The following PARD6G variants were observed in gnomAD, a reference collection of about 807,000 sequenced individuals.
The protein encoded by PARD6G is par-6 family cell polarity regulator gamma.
In PARD6G, 7 loss-of-function variants were observed where a neutral mutation model predicts 10.7. That is an observed-to-expected ratio of 0.66 (90% CI 0.37 to 1.23). The LOEUF is 1.23. PARD6G is among the 50% of genes most tolerant of loss of function. The pLI is 0.02. For missense variants in PARD6G, 548 were observed against 571.8 expected (o/e 0.96, Z 0.42); for synonymous variants, 287 against 269.4 (o/e 1.07, Z -0.64).
intron 1 of PARD6G, among the ~76,000 whole-genome samples, chr18:80,212,741 C>T (rs559277965): frequency 1.6e-4 from 25 of 152,060 alleles, no homozygotes; most frequent in Admixed American, 1.0e-3. Flanking sequence ...AAAAATTGGC[C>T]GGGTATGGTG....
intron 1 of PARD6G, among the ~76,000 whole-genome samples, chr18:80,229,288 T>C (rs1029443242): frequency 1.3e-5 from 2 of 152,198 alleles, no homozygotes; most frequent in African/African-American, 2.4e-5. Flanking sequence ...CTTTACAATA[T>C]AGTAAATTTA....
chr18:80,197,995 T>C (rs1034497127), intron 2 of PARD6G, among the ~76,000 whole-genome samples: 29 of 152,360 alleles, frequency 1.9e-4, no homozygotes, highest in Middle Eastern at 3.4e-3. Flanking sequence ...AGCTGTCATG[T>C]GTCCAAGGGA....
In PARD6G at chr18:80,247,058, C is replaced by G. The variant is rs1222928918; in HGVS notation, c.72+219G>C. ...GGACTGTCCGATGGCCCTCGGCCCT[C>G]TGAGCGCCGCGGCTGCCGGGCTTTG... On this transcript the variant is annotated intron_variant, in intron 1 of 2. Transcript: ENST00000353265. The surrounding 1 kb of genome is among the most constrained non-coding windows in gnomAD (Gnocchi z 4.2). Among the ~76,000 whole-genome samples the G allele has an allele frequency of 2.0e-5, 3 of 152,164 alleles. No homozygotes were observed. The highest frequency in any genetic ancestry group is 4.8e-5 in the African/African-American group (2 of 41,462).
At chr18:80,206,790 A>G (rs914725384) in intron 1 of PARD6G, among the ~76,000 whole-genome samples, 9 of 152,086 alleles carry the variant, frequency 5.9e-5, no homozygotes, top group Non-Finnish European at 8.8e-5. Context: ...AGATTCTTCA[A>G]ATGTTTATTT....
chr18:80,187,002 G>A (rs2052883367), intron 2 of PARD6G, among the ~76,000 whole-genome samples: 1 of 152,106 alleles, frequency 6.6e-6, no homozygotes, highest in Non-Finnish European at 1.5e-5. Context: ...AGGAGGCTGA[G>A]GCAGGAGAAT....
rs949614551 is a variant in PARD6G, at chr18:80,166,496, G to A, written c.296-5890C>T. On this transcript the variant is annotated intron_variant, in intron 2 of 2. Transcript: ENST00000353265. The stretch of plus-strand genomic sequence containing the variant: ...TCCACCTCCCTTAGAATTTAAAGGC[G>A]TCAAGTTCATTGAAAGCGATCAGTT... Among the ~76,000 whole-genome samples, 9 of 150,254 alleles carry A rather than the reference G, an allele frequency of 6.0e-5. No individual in the cohort carries two copies. In the South Asian group the frequency reaches 1.1e-3, roughly 18 times the overall value.
At chr18:80,171,121 A>C (rs567894887) in intron 2 of PARD6G, 1 of 152,344 alleles carries the variant, frequency 6.6e-6, no homozygotes, top group South Asian at 2.1e-4. Flanking sequence ...AGTAATAATT[A>C]AAAAAATCCC....
intron 2 of PARD6G, among the ~76,000 whole-genome samples, chr18:80,187,393 G>A (rs2052885623): frequency 6.6e-6 from 1 of 152,162 alleles, no homozygotes. Flanking sequence ...GGCTACACAC[G>A]AGGCGTGTGT....
intron 2 of PARD6G, among the ~76,000 whole-genome samples, chr18:80,168,536 C>G (rs1308451698): frequency 2.0e-5 from 3 of 151,192 alleles, no homozygotes; most frequent in Admixed American, 2.0e-4. Context: ...GTCTAACCAC[C>G]CTCTCTCCCC....
chr18:80,191,122 T>G (rs1966893127), intron 2 of PARD6G, among the ~76,000 whole-genome samples: 1 of 152,222 alleles, frequency 6.6e-6, no homozygotes, highest in Non-Finnish European at 1.5e-5. Flanking sequence ...GCAGAAGTTA[T>G]TTTAATTTCA....
chr18:80,213,057 T>A (rs757803148), intron 1 of PARD6G, among the ~76,000 whole-genome samples: 25 of 152,166 alleles, frequency 1.6e-4, no homozygotes, highest in African/African-American at 6.0e-4. Flanking sequence ...AATCAGCCCA[T>A]AGTAAATTGG....
rs903503269 is a variant in PARD6G, at chr18:80,180,341, G to A, written c.296-19735C>T. 1.3e-5 allele frequency among the ~76,000 whole-genome samples: 2 copies of A among 152,196 alleles called. No individual in the cohort carries two copies. The highest frequency in any genetic ancestry group is 4.8e-5 in the African/African-American group (2 of 41,446). ...GGGCAGCGACAGCTGGGGCCGGCAGGTGAGGACACGCAGCTGGGAGGGGCG... is the reference window on the plus strand; with the variant it reads ...GGGCAGCGACAGCTGGGGCCGGCAGATGAGGACACGCAGCTGGGAGGGGCG... On this transcript the variant is annotated intron_variant, in intron 2 of 2. Coordinates refer to ENST00000353265, the MANE Select transcript of PARD6G (RefSeq NM_032510.4). This position sits in a 1 kb window ranked among gnomAD's most constrained non-coding sequence, Gnocchi z 5.6.
chr18:80,172,189 T>C (rs2052781695), intron 2 of PARD6G, among the ~76,000 whole-genome samples: 1 of 152,206 alleles, frequency 6.6e-6, no homozygotes, highest in South Asian at 2.1e-4. Context: ...TTCTTGACAA[T>C]ACTTGTTTCT....
rs1359195280 is a variant in PARD6G at position 80,246,136 on chromosome 18, G to T, written c.72+1141C>A. On this transcript the variant is annotated intron_variant, in intron 1 of 2. Transcript: ENST00000353265. This position sits in a 1 kb window ranked among gnomAD's most constrained non-coding sequence, Gnocchi z 6.7. ...GCCCTGCGCCCAAGATAGGCACACA[G>T]TTAGGGGTGCGGGCTCCCACTCCGC... Among the ~76,000 whole-genome samples, 1 of 152,230 alleles carries T rather than the reference G, an allele frequency of 6.6e-6. No homozygotes were observed. Among genetic ancestry groups the T allele is most frequent in the East Asian group, 1.9e-4 (1 of 5,170 alleles).
At position 80,183,828 on chromosome 18, in the gene PARD6G, C is replaced by T. The variant is rs182154306; in HGVS notation, c.295+18882G>A. 1 of 152,262 alleles carries T rather than the reference C, an allele frequency of 6.6e-6. No homozygotes were observed. Among genetic ancestry groups the T allele is most frequent in the East Asian group, 1.9e-4 (1 of 5,182 alleles). The allele number at this position is 152,262 out of a possible 1,614,324, so 9.4% of individuals were successfully genotyped here. On this transcript the variant is annotated intron_variant, in intron 2 of 2. Transcript: ENST00000353265. The surrounding 1 kb of genome is among the most constrained non-coding windows in gnomAD (Gnocchi z 4.5). ...AGCTGTGGTATGAAGTTTAAATGCCCCAAGTCAGAAGTCAATTGGATGTCT... is the reference window on the plus strand; with the variant it reads ...AGCTGTGGTATGAAGTTTAAATGCCTCAAGTCAGAAGTCAATTGGATGTCT...
At chr18:80,195,971 T>G (rs1966953123) in intron 2 of PARD6G, among the ~76,000 whole-genome samples, 1 of 151,786 alleles carries the variant, frequency 6.6e-6, no homozygotes, top group Non-Finnish European at 1.5e-5. Flanking sequence ...CCTGGCAATA[T>G]ATATATTTTA....
At position 80,175,502 on chromosome 18, in the gene PARD6G, A is replaced by T. The variant is rs1299574133; in HGVS notation, c.296-14896T>A. ...ATTAGGTCAGGGCTTCGTCCTTACGATCTTATTTAACCTTCATCACCCCCT... is the reference window on the plus strand; with the variant it reads ...ATTAGGTCAGGGCTTCGTCCTTACGTTCTTATTTAACCTTCATCACCCCCT... On this transcript the variant is annotated intron_variant, in intron 2 of 2. Transcript: ENST00000353265. This position sits in a 1 kb window ranked among gnomAD's most constrained non-coding sequence, Gnocchi z 6.7. 6.6e-6 allele frequency among the ~76,000 whole-genome samples: 1 copy of T among 152,080 alleles called. No homozygotes were observed. The highest frequency in any genetic ancestry group is 1.5e-5 in the Non-Finnish European group (1 of 68,018).
At position 80,228,967 on chromosome 18, in the gene PARD6G, C is replaced by T. The variant is rs895531306; in HGVS notation, c.72+18310G>A. On this transcript the variant is annotated intron_variant, in intron 1 of 2. Coordinates refer to ENST00000353265, the MANE Select transcript of PARD6G (RefSeq NM_032510.4). This position sits in a 1 kb window ranked among gnomAD's most constrained non-coding sequence, Gnocchi z 4.6. Reference sequence around the variant, plus strand: ...CTTATTTTATTTTAGAAGACGGAGTCTCACTCTGTCGCCCAGGCTGGAGTG... The same window carrying T: ...CTTATTTTATTTTAGAAGACGGAGTTTCACTCTGTCGCCCAGGCTGGAGTG... Among the ~76,000 whole-genome samples the T allele has an allele frequency of 1.3e-5, 2 of 152,182 alleles. No homozygotes were observed. Among genetic ancestry groups the T allele is most frequent in the Non-Finnish European group, 2.9e-5 (2 of 68,024 alleles).
At position 80,160,442 on chromosome 18, in the gene PARD6G, C is replaced by G; in HGVS notation, c.460G>C (p.Glu154Gln). ...SSIIDVDLVPETHRRVRLHRH... is the reference protein window; with the variant it reads ...SSIIDVDLVPQTHRRVRLHRH... Reference sequence around the variant, plus strand: ...TGCAGCCGCACTCGCCGGTGCGTCTCGGGGACCAGGTCCACATCGATGATG... The same window carrying G: ...TGCAGCCGCACTCGCCGGTGCGTCTGGGGGACCAGGTCCACATCGATGATG... The change falls in exon 3 of 3, where the codon GAG becomes CAG. Residue 154 changes from glutamate to glutamine, a missense_variant. Physicochemically the swap from Glu to Gln is conservative, Grantham distance 29. This residue lies in a region of PARD6G where 235 missense variants were observed against 291.9 expected (regional missense o/e 0.81). Transcript: ENST00000353265. The G allele has an allele frequency of 6.3e-7, 1 of 1,582,544 alleles. No individual in the cohort carries two copies. The highest frequency in any genetic ancestry group is 8.6e-7 in the Non-Finnish European group (1 of 1,164,308).
Sources: gnomAD v4.1 joint callset for allele counts (sites outside exome capture counted in the v4.1 genomes callset) on GRCh38, gnomAD v4.1.1 for gene constraint, gnomAD v4.1.1 regional missense constraint, Gnocchi (gnomAD v3.1) non-coding constraint, MANE v1.5 for transcripts, NCBI Gene and HGNC (gene_info 2026-07-23, HGNC 2026-07-21) for gene names.